Variants in GALNT17 observed in about 807,000 individuals in gnomAD.
GALNT17 encodes the protein UDP-GalNAc:polypeptide N-acetylgalactosaminyltransferase-like 3.
Under a neutral mutation model 63.7 loss-of-function variants are expected in GALNT17, and 29 were observed. The ratio of observed to expected loss-of-function variants is 0.46; its 90% CI spans 0.34 to 0.62. The LOEUF is 0.62. Among genes scored for constraint, GALNT17 ranks in the 20% least tolerant of loss-of-function variants. The pLI, the probability that GALNT17 is intolerant of heterozygous loss-of-function variation, is 0.01. For synonymous variants in GALNT17, 305 were observed against 318.3 expected (o/e 0.96, Z 0.45); for missense variants, 603 against 799.6 (o/e 0.75, Z 2.97).
At chr7:71,575,253 A>G (rs1789516509) in intron 6 of GALNT17, among the ~76,000 whole-genome samples, 1 of 152,202 alleles carries the variant, frequency 6.6e-6, no homozygotes, top group Non-Finnish European at 1.5e-5. Flanking sequence ...TTATGTAAAT[A>G]TATATACATG....
Position 71,677,098 on chromosome 7 carries a change from T to C in GALNT17, c.1405-113T>C, listed in dbSNP as rs142458029. On this transcript the variant is annotated intron_variant, in intron 8 of 10. Coordinates refer to ENST00000333538, the MANE Select transcript of GALNT17 (RefSeq NM_022479.3). Reference sequence around the variant, plus strand: ...TGAGCCCTGGTCCTCACTTAGAGGCTCGTGTTGTCTTCCCATCATGAAGTT... The same window carrying C: ...TGAGCCCTGGTCCTCACTTAGAGGCCCGTGTTGTCTTCCCATCATGAAGTT... The C allele has an allele frequency of 1.2e-3, 1,199 of 1,017,082 alleles. 11 individuals carry two copies. In the African/African-American group the frequency reaches 0.016, roughly 14 times the overall value. 63.0% of individuals were successfully genotyped at this position (1,017,082 alleles called of 1,614,324 possible).
chr7:71,355,658 G>A lies in GALNT17; in HGVS notation c.422+19925G>A, dbSNP rs192202154. Among the ~76,000 whole-genome samples the A allele has an allele frequency of 1.5e-3, 229 of 151,682 alleles. 1 individual carries two copies. Among genetic ancestry groups the A allele is most frequent in the Middle Eastern group, 6.9e-3 (2 of 290 alleles). The stretch of plus-strand genomic sequence containing the variant: ...AGCAATTCTCCTGCCTCAGCCTTCC[G>A]AGTAGCTGGATTCACAGGCGTCTAA... On this transcript the variant is annotated intron_variant, in intron 2 of 10. Transcript: ENST00000333538.
intron 1 of GALNT17, among the ~76,000 whole-genome samples, chr7:71,275,238 G>A (rs529030239): frequency 1.3e-4 from 20 of 152,176 alleles, no homozygotes; most frequent in Admixed American, 6.5e-4. Flanking sequence ...GGGTCCTTAC[G>A]TTAATAAATG....
Position 71,132,839 on chromosome 7 carries a change from T to C in GALNT17, c.37T>C (p.Leu13=). 6.2e-7 allele frequency: 1 copy of C among 1,611,760 alleles called. No individual in the cohort carries two copies. The change falls in exon 1 of 11, where the codon TTG becomes CTG. Residue 13 remains leucine, a synonymous_variant. Transcript: ENST00000333538. ...SLRRVKVLLV[L]NLIAVAGFVL... is the part of the protein sequence containing the mutation. Reference sequence around the variant, plus strand: ...GAGAAGAGTCAAAGTGCTGTTGGTGTTGAACTTGATCGCGGTAGCCGGCTT... The same window carrying C: ...GAGAAGAGTCAAAGTGCTGTTGGTGCTGAACTTGATCGCGGTAGCCGGCTT...
intron 1 of GALNT17, among the ~76,000 whole-genome samples, chr7:71,202,481 A>G (rs1789193478): frequency 6.6e-6 from 1 of 152,086 alleles, no homozygotes; most frequent in South Asian, 2.1e-4. Flanking sequence ...CCATATTAGT[A>G]TTTTTCTTTT....
chr7:71,160,934 A>G (rs1788331593), intron 1 of GALNT17, among the ~76,000 whole-genome samples: 1 of 152,242 alleles, frequency 6.6e-6, no homozygotes, highest in African/African-American at 2.4e-5. Flanking sequence ...CTTGAACTCA[A>G]GCGGCCCTTC....
chr7:71,335,983 ATTC>A (rs59602104), intron 2 of GALNT17, among the ~76,000 whole-genome samples: 18 of 133,532 alleles, frequency 1.3e-4, no homozygotes, highest in South Asian at 7.8e-4. Context: ...TTGTATTTTA[ATTC>A]TTCTTCTTCT....
intron 6 of GALNT17, among the ~76,000 whole-genome samples, chr7:71,606,097 A>G (rs1371113113): frequency 1.4e-5 from 2 of 144,898 alleles, no homozygotes; most frequent in African/African-American, 5.1e-5. Flanking sequence ...GTACCACCAC[A>G]CTCAGCTAAT....
intron 2 of GALNT17, among the ~76,000 whole-genome samples, chr7:71,379,901 G>C (rs912834905): frequency 6.6e-6 from 1 of 151,998 alleles, no homozygotes; most frequent in Non-Finnish European, 1.5e-5. Context: ...ACAGTGAAGG[G>C]CAAAAGAAGG....
chr7:71,370,705 T>A (rs1236868503), intron 2 of GALNT17, among the ~76,000 whole-genome samples: 1 of 152,146 alleles, frequency 6.6e-6, no homozygotes, highest in Non-Finnish European at 1.5e-5. Context: ...TGGTCTCAAT[T>A]GATCTGCCCA....
chr7:71,615,057 A>G (rs1267089877), intron 6 of GALNT17, among the ~76,000 whole-genome samples: 2 of 152,182 alleles, frequency 1.3e-5, no homozygotes, highest in African/African-American at 4.8e-5. Flanking sequence ...TTGTTTCAAG[A>G]CCAGCGTGAT....
intron 5 of GALNT17, among the ~76,000 whole-genome samples, chr7:71,523,515 G>A (rs1219541810): frequency 2.0e-5 from 3 of 151,760 alleles, no homozygotes; most frequent in Non-Finnish European, 4.4e-5. Flanking sequence ...AGCTGTTTGG[G>A]AGGCTGAGGC....
intron 1 of GALNT17, among the ~76,000 whole-genome samples, chr7:71,257,094 C>A (rs750615641): frequency 1.3e-5 from 2 of 152,128 alleles, no homozygotes; most frequent in African/African-American, 2.4e-5. Flanking sequence ...AAATTAATTT[C>A]TTTTATATAG....
chr7:71,443,849 C>T (rs550916699), intron 5 of GALNT17, among the ~76,000 whole-genome samples: 5 of 152,166 alleles, frequency 3.3e-5, no homozygotes, highest in East Asian at 1.9e-4. Context: ...CTCAGCTTCC[C>T]GAGTGGCTGG....
At chr7:71,434,778 A>T (rs1313444444) in intron 5 of GALNT17, among the ~76,000 whole-genome samples, 1 of 152,210 alleles carries the variant, frequency 6.6e-6, no homozygotes, top group East Asian at 1.9e-4. Context: ...TTAGATGAAA[A>T]GCACTAATTA....
intron 1 of GALNT17, among the ~76,000 whole-genome samples, chr7:71,252,367 A>C (rs1159258769): frequency 6.6e-6 from 1 of 152,128 alleles, no homozygotes; most frequent in East Asian, 1.9e-4. Flanking sequence ...TCTACTAAAA[A>C]TATAAAAATT....
chr7:71,156,523 A>G (rs1169220981), intron 1 of GALNT17, among the ~76,000 whole-genome samples: 1 of 151,608 alleles, frequency 6.6e-6, no homozygotes, highest in African/African-American at 2.4e-5. Context: ...ATCTGTAAAA[A>G]TGTTGAGTTG....
chr7:71,366,337 C>G (rs1583893277), intron 2 of GALNT17, among the ~76,000 whole-genome samples: 1 of 152,196 alleles, frequency 6.6e-6, no homozygotes, highest in East Asian at 1.9e-4. Context: ...TGTACCAGCA[C>G]TTTGGGAGGC....
intron 5 of GALNT17, among the ~76,000 whole-genome samples, chr7:71,492,036 C>A (rs1283487013): frequency 1.3e-5 from 2 of 151,982 alleles, no homozygotes; most frequent in Non-Finnish European, 2.9e-5. Context: ...AATCCCAGCA[C>A]TTTGGGAGGC....
Sources: gnomAD v4.1 joint callset for allele counts (sites outside exome capture counted in the v4.1 genomes callset) on GRCh38, gnomAD v4.1.1 for gene constraint, MANE v1.5 for transcripts, NCBI Gene and HGNC (gene_info 2026-07-23, HGNC 2026-07-21) for gene names.